The following THSD4 variants were observed in gnomAD, a reference collection of about 807,000 sequenced individuals.
THSD4 encodes thrombospondin type 1 domain containing 4.
A neutral mutation model predicts 119.0 loss-of-function variants in THSD4; 69 were observed. The observed-to-expected ratio is 0.58, with a 90% CI of 0.48 to 0.71. The LOEUF (loss-of-function observed/expected upper bound fraction) is 0.71, where lower values mean the gene tolerates loss of function less well. THSD4 is among the 30% of genes least tolerant of loss of function. The pLI, the probability that THSD4 is intolerant of heterozygous loss-of-function variation, is 0.00. For missense variants in THSD4, 1,393 were observed against 1,391.1 expected (o/e 1.00, Z -0.02); for synonymous variants, 524 against 540.4 (o/e 0.97, Z 0.42).
At chr15:71,648,223 C>A (rs755690005) in intron 7 of THSD4, among the ~76,000 whole-genome samples, 7 of 152,158 alleles carry the variant, frequency 4.6e-5, no homozygotes, top group Non-Finnish European at 1.0e-4. Context: ...GGCAGGATAA[C>A]ATATTAGGTA....
chr15:71,742,013 A>G (rs74022416), intron 11 of THSD4, among the ~76,000 whole-genome samples: 8,747 of 152,316 alleles, frequency 0.057, 267 homozygotes, highest in South Asian at 0.12. Flanking sequence ...GCACAGATGC[A>G]GAGCACATCT....
intron 8 of THSD4, among the ~76,000 whole-genome samples, chr15:71,698,716 A>C (rs763161313): frequency 5.3e-5 from 8 of 150,830 alleles, no homozygotes; most frequent in South Asian, 2.1e-4. Context: ...ACACACACAC[A>C]CCCAATGGAA....
intron 7 of THSD4, among the ~76,000 whole-genome samples, chr15:71,614,764 T>C (rs981242317): frequency 6.6e-6 from 1 of 152,136 alleles, no homozygotes; most frequent in African/African-American, 2.4e-5. Flanking sequence ...GCATATGTAA[T>C]GTTCAAAGAG....
intron 16 of THSD4, chr15:71,766,667 A>G (rs1416099371): frequency 6.6e-6 from 1 of 152,124 alleles, no homozygotes; most frequent in Non-Finnish European, 1.5e-5. Flanking sequence ...ACAATAACAG[A>G]TCGCAGTTTT....
intron 6 of THSD4, among the ~76,000 whole-genome samples, chr15:71,388,499 C>A (rs1176421771): frequency 2.0e-5 from 3 of 152,160 alleles, no homozygotes; most frequent in East Asian, 1.9e-4. Context: ...TTGTTCAGCT[C>A]TTCCTGTATG....
intron 13 of THSD4, 31 bp downstream of exon 13, chr15:71,747,073 T>A: frequency 1.3e-6 from 2 of 1,563,490 alleles, no homozygotes; most frequent in East Asian, 2.3e-5. Context: ...GCTCTGCAGC[T>A]CCCTCTCCAG....
At chr15:71,423,231 C>T (rs1280003316) in intron 7 of THSD4, among the ~76,000 whole-genome samples, 1 of 152,196 alleles carries the variant, frequency 6.6e-6, no homozygotes, top group Non-Finnish European at 1.5e-5. Context: ...CCCCTTTACT[C>T]TTCCCTCTGC....
chr15:71,700,649 T>C (rs1161593985), intron 8 of THSD4, among the ~76,000 whole-genome samples: 1 of 152,106 alleles, frequency 6.6e-6, no homozygotes, highest in African/African-American at 2.4e-5. Flanking sequence ...AAATATGTCC[T>C]ACAAGATATG....
At chr15:71,152,415 C>G (rs1250834429) in intron 2 of THSD4, among the ~76,000 whole-genome samples, 2 of 148,556 alleles carry the variant, frequency 1.3e-5, no homozygotes, top group Non-Finnish European at 3.0e-5. Context: ...GAACGAGACT[C>G]TGTCTCCAAA....
chr15:71,594,092 G>A (rs2049861212), intron 7 of THSD4, among the ~76,000 whole-genome samples: 1 of 152,098 alleles, frequency 6.6e-6, no homozygotes, highest in Non-Finnish European at 1.5e-5. Flanking sequence ...ATGCAGCTCA[G>A]CATGGGGGTT....
intron 6 of THSD4, among the ~76,000 whole-genome samples, chr15:71,272,043 CAG>C (rs1420143126): frequency 6.6e-6 from 1 of 152,118 alleles, no homozygotes; most frequent in East Asian, 1.9e-4. Context: ...TACGTCAGAT[CAG>C]GGGCTCAAAT....
At chr15:71,732,574 C>T (rs923133274) in intron 10 of THSD4, 1 of 152,186 alleles carries the variant, frequency 6.6e-6, no homozygotes, top group Non-Finnish European at 1.5e-5. Flanking sequence ...TGTGCAAGGG[C>T]TTAGAAACTG....
chr15:71,161,996 GTTGCA>G (rs2043253795), intron 3 of THSD4, among the ~76,000 whole-genome samples: 4 of 151,918 alleles, frequency 2.6e-5, no homozygotes. Flanking sequence ...CTTAACTTTA[GTTGCA>G]TTAAAGTACT....
At chr15:71,723,042 G>A (rs769876091) in intron 8 of THSD4, among the ~76,000 whole-genome samples, 3 of 150,202 alleles carry the variant, frequency 2.0e-5, no homozygotes, top group African/African-American at 7.3e-5. Flanking sequence ...ACCATCTTAA[G>A]CAACGTTCTA....
chr15:71,230,170 T>C (rs28480294), intron 4 of THSD4, among the ~76,000 whole-genome samples: 97,063 of 151,912 alleles, frequency 0.64, 31,258 homozygotes, highest in Admixed American at 0.7. Context: ...GCTTAGCACC[T>C]GCCCTGGTCA....
intron 8 of THSD4, among the ~76,000 whole-genome samples, chr15:71,686,771 A>G (rs2051919941): frequency 6.6e-6 from 1 of 152,226 alleles, no homozygotes; most frequent in Admixed American, 6.5e-5. Flanking sequence ...GAAATATTTT[A>G]GGCTTTGCAG....
At chr15:71,727,593 CACACA>C (rs2052884261) in intron 8 of THSD4, among the ~76,000 whole-genome samples, 2 of 10,948 alleles carry the variant, frequency 1.8e-4, no homozygotes, top group Non-Finnish European at 5.3e-4. Context: ...TATATACACA[CACACA>C]CACACACACA....
upstream of THSD4, chr15:71,113,868 A>C (rs111747730): frequency 9.8e-5 from 15 of 152,334 alleles, no homozygotes; most frequent in African/African-American, 3.4e-4. Context: ...TTTCCATTTT[A>C]ACCATTTTTA....
intron 6 of THSD4, among the ~76,000 whole-genome samples, chr15:71,378,005 T>C (rs1391819285): frequency 6.6e-6 from 1 of 152,138 alleles, no homozygotes; most frequent in Non-Finnish European, 1.5e-5. Context: ...GGCTTAGTTG[T>C]TCAAGGCTAG....
Sources: allele counts gnomAD v4.1 joint callset (sites outside exome capture counted in the v4.1 genomes callset), GRCh38; gene constraint gnomAD v4.1.1; transcripts MANE v1.5; gene names NCBI Gene and HGNC (gene_info 2026-07-23, HGNC 2026-07-21).